The following CDH1 variants were observed in gnomAD, a reference collection of about 807,000 sequenced individuals.
CDH1 encodes cadherin-1.
Under a neutral mutation model 84.5 loss-of-function variants are expected in CDH1, and 35 were observed. The ratio of observed to expected loss-of-function variants is 0.41; its 90% confidence interval spans 0.32 to 0.55. The LOEUF is 0.55. Among genes scored for constraint, CDH1 ranks in the 20% least tolerant of loss-of-function variants. The probability of loss-of-function intolerance (pLI) is 0.19; values close to 1 mark genes in which losing one functional copy is unlikely to be tolerated. For missense variants in CDH1, 994 were observed against 1,126.6 expected (o/e 0.88, Z 1.68); for synonymous variants, 417 against 439.0 (o/e 0.95, Z 0.63).
intron 15 of CDH1, among the ~76,000 whole-genome samples, chr16:68,833,047 T>G (rs2152143665): frequency 6.6e-6 from 1 of 152,328 alleles, no homozygotes; most frequent in African/African-American, 2.4e-5. Flanking sequence ...GGTTGGTGCT[T>G]GCATCTCTCC....
intron 2 of CDH1, among the ~76,000 whole-genome samples, chr16:68,768,640 G>A (rs769656676): frequency 1.2e-4 from 19 of 152,190 alleles, no homozygotes; most frequent in Non-Finnish European, 1.0e-4. Context: ...GAGAGGATCA[G>A]TTGAGCCCAA....
chr16:68,815,318 C>T (rs1178043559), intron 9 of CDH1, among the ~76,000 whole-genome samples, 197 bp from the exon 10 acceptor site: 1 of 152,054 alleles, frequency 6.6e-6, no homozygotes, highest in East Asian at 1.9e-4. Context: ...CTTTGCCTTC[C>T]TCTTGAGTAG....
intron 13 of CDH1, 95 bp from the exon 14 acceptor site, chr16:68,828,079 C>A (rs781304778): frequency 4.1e-5 from 59 of 1,426,038 alleles, no homozygotes; most frequent in Non-Finnish European, 5.7e-5. Flanking sequence ...TAACTGCCCC[C>A]TGTCTGGTAT....
chr16:68,746,369 G>A (rs2152116609), intron 2 of CDH1, among the ~76,000 whole-genome samples: 1 of 152,258 alleles, frequency 6.6e-6, no homozygotes, highest in Non-Finnish European at 1.5e-5. Context: ...AGGATGCAGT[G>A]AGCCGAGATT....
rs199938477 is a variant in CDH1, at chr16:68,782,132, T to TG, written c.164-19536dup. ...CTTTCTCAAGTTCAGGGCTTCCTTC[T>TG]GGCTCCACAGGCACCCCCCACAGGC... On this transcript the variant is annotated intron_variant, in intron 2 of 15. Transcript: ENST00000261769. 5.4e-3 allele frequency among the ~76,000 whole-genome samples: 820 copies of TG among 152,298 alleles called. 2 individuals are homozygous for TG. Among genetic ancestry groups the TG allele is most frequent in the Non-Finnish European group, 8.1e-3 (551 of 68,020 alleles).
intron 2 of CDH1, among the ~76,000 whole-genome samples, chr16:68,774,751 C>T (rs1449841182): frequency 1.3e-5 from 2 of 152,088 alleles, no homozygotes; most frequent in African/African-American, 4.8e-5. Context: ...GGGAGGACAC[C>T]AGGAGGCTCA....
chr16:68,791,676 C>A (rs2152123764), intron 2 of CDH1, among the ~76,000 whole-genome samples: 1 of 152,306 alleles, frequency 6.6e-6, no homozygotes, highest in East Asian at 1.9e-4. Flanking sequence ...CTCACCTCGG[C>A]CTCCCAAAGT....
chr16:68,823,945 G>C (rs1961246873), intron 13 of CDH1, among the ~76,000 whole-genome samples: 1 of 150,742 alleles, frequency 6.6e-6, no homozygotes, highest in African/African-American at 2.5e-5. Flanking sequence ...TTTGAACTGG[G>C]AAATCTGATC....
intron 2 of CDH1, among the ~76,000 whole-genome samples, chr16:68,746,938 T>G (rs1962760640): frequency 6.6e-6 from 1 of 151,854 alleles, no homozygotes; most frequent in Admixed American, 6.6e-5. Flanking sequence ...AACAGAGCGA[T>G]ACTCCATCTC....
chr16:68,796,109 G>T (rs1362236861), intron 2 of CDH1, among the ~76,000 whole-genome samples: 1 of 151,950 alleles, frequency 6.6e-6, no homozygotes, highest in East Asian at 2.0e-4. Flanking sequence ...GTTGCAGTGA[G>T]TTGAGATCCT....
chr16:68,822,898 G>A (rs1002114053), intron 12 of CDH1: 1 of 220,718 alleles, frequency 4.5e-6, no homozygotes, highest in South Asian at 7.3e-5. Context: ...CCCTGGAGAA[G>A]AACCTGAACT....
At chr16:68,803,735 C>T (rs1437385320) in intron 3 of CDH1, among the ~76,000 whole-genome samples, 2 of 152,116 alleles carry the variant, frequency 1.3e-5, no homozygotes. Flanking sequence ...ACTTTTCTTC[C>T]ACATCTCTTG....
intron 2 of CDH1, among the ~76,000 whole-genome samples, chr16:68,738,935 G>A: frequency 5.5e-5 from 1 of 18,160 alleles, no homozygotes. Context: ...AGATATAAAA[G>A]CTTTTTTTTT....
In CDH1 at chr16:68,787,124, G is replaced by A. The variant is rs898516367; in HGVS notation, c.164-14546G>A. ...GGAAAATGTGGCCCTAGATTGATGC[G>A]TGTTTATATCTGGGTTGTGTTTTTT... On this transcript the variant is annotated intron_variant, in intron 2 of 15. Coordinates refer to ENST00000261769, the MANE Select transcript of CDH1 (RefSeq NM_004360.5). Among the ~76,000 whole-genome samples, 6 of 152,182 alleles carry A rather than the reference G, an allele frequency of 3.9e-5. No homozygotes were observed. The East Asian group carries it at 5.8e-4, about 15-fold the overall frequency.
intron 2 of CDH1, among the ~76,000 whole-genome samples, chr16:68,800,257 C>T (rs1960464246): frequency 6.6e-6 from 1 of 151,728 alleles, no homozygotes; most frequent in African/African-American, 2.4e-5. Context: ...ATGAGACTAA[C>T]CCATGTTAAA....
chr16:68,771,096 G>A (rs1398715275), intron 2 of CDH1: 4 of 152,264 alleles, frequency 2.6e-5, no homozygotes, highest in African/African-American at 9.6e-5. Flanking sequence ...ACACGGCTAA[G>A]TGCGGGCTGG....
rs1298997936 is a variant in CDH1, at chr16:68,829,741, C to T, written c.2383C>T (p.Pro795Ser). The T allele has an allele frequency of 2.5e-6, 4 of 1,613,984 alleles. No homozygotes were observed. The highest frequency in any genetic ancestry group is 2.2e-5 in the South Asian group (2 of 91,072). ...NDVAPTLMSV[P>S]RYLPRPANPD... ...CGTTGCACCAACCCTCATGAGTGTC[C>T]CCCGGTATCTTCCCCGCCCTGCCAA... Residue 795 changes from proline (P) to serine (S), a missense_variant, in exon 15 of 16, where the codon CCC becomes TCC. Coordinates refer to ENST00000261769, the MANE Select transcript of CDH1 (RefSeq NM_004360.5).
chr16:68,821,824 C>T (rs1961150807), intron 11 of CDH1, among the ~76,000 whole-genome samples, 177 bp from the exon 12 acceptor site: 2 of 152,054 alleles, frequency 1.3e-5, no homozygotes, highest in Admixed American at 1.3e-4. Flanking sequence ...CAGAGACCTG[C>T]CCACCTGGGA....
chr16:68,811,409 A>G (rs1008010569), intron 6 of CDH1, among the ~76,000 whole-genome samples: 2 of 151,828 alleles, frequency 1.3e-5, no homozygotes, highest in Admixed American at 6.6e-5. Context: ...AAAAAAAAAA[A>G]AAAAAAAAGA....
Sources: allele counts gnomAD v4.1 joint callset (sites outside exome capture counted in the v4.1 genomes callset), GRCh38; gene constraint gnomAD v4.1.1; transcripts MANE v1.5; gene names NCBI Gene and HGNC (gene_info 2026-07-23, HGNC 2026-07-21).